KCNT2: variants seen among roughly 807,000 people sequenced by gnomAD.
The protein encoded by KCNT2 is potassium sodium-activated channel subfamily T member 2.
Under a neutral mutation model 153.8 loss-of-function variants are expected in KCNT2, and 67 were observed. That is an observed-to-expected ratio of 0.44 (90% CI 0.36 to 0.53). The LOEUF is 0.53. Among genes scored for constraint, KCNT2 ranks in the 20% least tolerant of loss-of-function variants. The pLI, the probability that KCNT2 is intolerant of heterozygous loss-of-function variation, is 0.00. For missense variants in KCNT2, 975 were observed against 1,354.8 expected (o/e 0.72, Z 4.40); for synonymous variants, 500 against 458.8 (o/e 1.09, Z -1.15).
chr1:196,441,425 C>CT (rs10591749), intron 8 of KCNT2, among the ~76,000 whole-genome samples: 17 of 149,264 alleles, frequency 1.1e-4, no homozygotes, highest in African/African-American at 3.9e-4. Flanking sequence ...TTAAAATCTA[C>CT]TTTTTTTTTT....
intron 21 of KCNT2, among the ~76,000 whole-genome samples, chr1:196,305,823 A>G (rs961049988): frequency 1.2e-4 from 19 of 152,136 alleles, no homozygotes; most frequent in African/African-American, 4.6e-4. Flanking sequence ...TTGCTACAAC[A>G]AACTTCTGAG....
At chr1:196,602,768 C>CTTT (rs1664872229) in intron 1 of KCNT2, among the ~76,000 whole-genome samples, 17 of 99,720 alleles carry the variant, frequency 1.7e-4, no homozygotes, top group South Asian at 6.0e-4. Context: ...TATTCAAAGT[C>CTTT]TATTTTTTTT....
At chr1:196,395,718 T>C (rs1474993790) in intron 13 of KCNT2, among the ~76,000 whole-genome samples, 1 of 151,636 alleles carries the variant, frequency 6.6e-6, no homozygotes, top group African/African-American at 2.4e-5. Context: ...GTTTCAATCA[T>C]GTTATTTTGA....
At chr1:196,439,728 A>G (rs1293384212) in intron 8 of KCNT2, among the ~76,000 whole-genome samples, 1 of 151,990 alleles carries the variant, frequency 6.6e-6, no homozygotes, top group Admixed American at 6.6e-5. Context: ...ATATACCTGT[A>G]GCAAGCCATT....
At chr1:196,329,820 TATATATGTATATATGTATTTATGTAC>T (rs904902468) in intron 18 of KCNT2, among the ~76,000 whole-genome samples, 1 of 146,784 alleles carries the variant, frequency 6.8e-6, no homozygotes, top group Non-Finnish European at 1.5e-5. Flanking sequence ...CATATAGGTA[TATATATGTATATATGTATTTATGTAC>T]ATATATGTAT....
chr1:196,331,694 A>C (rs1664480372), intron 17 of KCNT2, among the ~76,000 whole-genome samples: 1 of 152,120 alleles, frequency 6.6e-6, no homozygotes, highest in African/African-American at 2.4e-5. Flanking sequence ...TCCTATTTAT[A>C]AAAAGTTTGT....
At chr1:196,496,169 T>C (rs1056308022) in intron 1 of KCNT2, among the ~76,000 whole-genome samples, 1 of 152,088 alleles carries the variant, frequency 6.6e-6, no homozygotes, top group African/African-American at 2.4e-5. Context: ...CTTTGCGACT[T>C]TAAGAGAAAT....
At chr1:196,451,693 ACT>A (rs75762004) in intron 8 of KCNT2, among the ~76,000 whole-genome samples, 18 of 151,362 alleles carry the variant, frequency 1.2e-4, no homozygotes, top group Non-Finnish European at 2.2e-4. Context: ...TCAATAAGAC[ACT>A]CTCTTTTCTT....
intron 5 of KCNT2, among the ~76,000 whole-genome samples, chr1:196,470,887 T>C (rs1257827564): frequency 1.5e-4 from 21 of 139,568 alleles, no homozygotes; most frequent in African/African-American, 5.1e-4. Context: ...TTTTTTTTTT[T>C]TTTTTTTTTT....
intron 1 of KCNT2, among the ~76,000 whole-genome samples, chr1:196,507,352 G>T (rs551545243): frequency 6.6e-6 from 1 of 152,274 alleles, no homozygotes; most frequent in Non-Finnish European, 1.5e-5. Context: ...TGCAGTGCTG[G>T]ACGTGGCTTT....
At chr1:196,244,150 G>A (rs1350779055) in intron 26 of KCNT2, among the ~76,000 whole-genome samples, 1 of 152,026 alleles carries the variant, frequency 6.6e-6, no homozygotes, top group Non-Finnish European at 1.5e-5. Flanking sequence ...TTCATTACCT[G>A]CCAACTAAAG....
intron 1 of KCNT2, among the ~76,000 whole-genome samples, chr1:196,570,463 C>T (rs1473139996): frequency 1.3e-5 from 2 of 151,998 alleles, no homozygotes; most frequent in Admixed American, 6.6e-5. Flanking sequence ...GAACCTCATC[C>T]CAACACTTTC....
intron 3 of KCNT2, among the ~76,000 whole-genome samples, chr1:196,489,531 G>A (rs889206727): frequency 6.6e-6 from 1 of 151,840 alleles, no homozygotes; most frequent in African/African-American, 2.4e-5. Context: ...GAACAAAATT[G>A]CATTCGGGTC....
chr1:196,602,162 C>T (rs772737188), intron 1 of KCNT2, among the ~76,000 whole-genome samples: 4 of 152,026 alleles, frequency 2.6e-5, no homozygotes, highest in Non-Finnish European at 5.9e-5. Context: ...CAGAAAAAGA[C>T]ATCTCAATGA....
At chr1:196,322,527 C>G (rs1663425840) in intron 19 of KCNT2, among the ~76,000 whole-genome samples, 1 of 151,852 alleles carries the variant, frequency 6.6e-6, no homozygotes, top group African/African-American at 2.4e-5. Context: ...TGAGTCTTAA[C>G]TGTAATTCTA....
intron 1 of KCNT2, among the ~76,000 whole-genome samples, chr1:196,516,288 A>G (rs926498471): frequency 6.6e-6 from 1 of 150,972 alleles, no homozygotes. Context: ...TTGTTGCCTT[A>G]GGGCTCTGGG....
intron 24 of KCNT2, among the ~76,000 whole-genome samples, chr1:196,281,264 T>A (rs910063484): frequency 2.4e-4 from 37 of 152,184 alleles, no homozygotes; most frequent in African/African-American, 8.7e-4. Context: ...TTATTATGCA[T>A]CACCAAACTT....
chr1:196,417,293 T>TA (rs1558264936), intron 12 of KCNT2, among the ~76,000 whole-genome samples: 1 of 152,098 alleles, frequency 6.6e-6, no homozygotes, highest in Non-Finnish European at 1.5e-5. Flanking sequence ...GAAACCTGCT[T>TA]ACCTCCTCAC....
chr1:196,575,143 T>C (rs1197052090), intron 1 of KCNT2, among the ~76,000 whole-genome samples: 5 of 152,164 alleles, frequency 3.3e-5, no homozygotes, highest in African/African-American at 1.2e-4. Flanking sequence ...TAATTAATCA[T>C]ACAAGGTGAA....
Sources: gnomAD v4.1 joint callset for allele counts (sites outside exome capture counted in the v4.1 genomes callset) on GRCh38, gnomAD v4.1.1 for gene constraint, MANE v1.5 for transcripts, NCBI Gene and HGNC (gene_info 2026-07-23, HGNC 2026-07-21) for gene names.